The following SEC61B variants were observed in gnomAD, a reference collection of about 807,000 sequenced individuals.
The protein encoded by SEC61B is SEC61 translocon subunit beta, also known as protein transport protein Sec61 subunit beta.
A neutral mutation model predicts 12.6 loss-of-function variants in SEC61B; 7 were observed. The observed-to-expected ratio is 0.55, with a 90% CI of 0.32 to 1.04. The LOEUF is 1.04. Ranked by LOEUF, SEC61B falls within the 50% of genes least tolerant of loss-of-function variation. The pLI is 0.05. For synonymous variants in SEC61B, 54 were observed against 50.1 expected (o/e 1.08, Z -0.33); for missense variants, 107 against 130.1 (o/e 0.82, Z 0.86).
intron 2 of SEC61B, among the ~76,000 whole-genome samples, chr9:99,224,102 A>T (rs1217463226): frequency 6.6e-6 from 1 of 152,244 alleles, no homozygotes; most frequent in Non-Finnish European, 1.5e-5. Context: ...GGAGGAAAAA[A>T]TCTTGAACAC....
intron 3 of SEC61B, among the ~76,000 whole-genome samples, chr9:99,228,653 A>G (rs547404098): frequency 2.2e-4 from 34 of 152,360 alleles, no homozygotes; most frequent in Admixed American, 3.3e-4. Flanking sequence ...AGGTTCCAGA[A>G]CACCACTGCC....
rs530207906 is a variant in SEC61B, at chr9:99,228,035, A to G, written c.203+35A>G. The G allele has an allele frequency of 3.4e-4, 525 of 1,529,236 alleles. 7 individuals are homozygous for G. The South Asian group carries it at 5.7e-3, about 17-fold the overall frequency. The allele number at this position is 1,529,236 out of a possible 1,614,324, so 94.7% of individuals were successfully genotyped here. On this transcript the variant is annotated intron_variant, in intron 3 of 3. Coordinates refer to ENST00000223641, the MANE Select transcript of SEC61B (RefSeq NM_006808.3). ...AGGAACAGTCCTTGTGTTTCTGTCC[A>G]GTGGCAGCAGAGCAGCAGTGGCAGC...
intron 3 of SEC61B, among the ~76,000 whole-genome samples, chr9:99,228,222 G>C (rs1226210770): frequency 6.6e-6 from 1 of 152,214 alleles, no homozygotes; most frequent in Non-Finnish European, 1.5e-5. Flanking sequence ...GAAAGGAAAG[G>C]AAGTTCTTCA....
chr9:99,223,494 A>C (rs141266774), intron 2 of SEC61B, among the ~76,000 whole-genome samples: 359 of 152,060 alleles, frequency 2.4e-3, no homozygotes, highest in African/African-American at 8.2e-3. Context: ...CCAGAGTTCA[A>C]GCAATTCTCC....
chr9:99,227,265 CAAAAAAAAAAAAAAAAAA>C (rs59719935), intron 2 of SEC61B, among the ~76,000 whole-genome samples: 4 of 10,740 alleles, frequency 3.7e-4, no homozygotes, highest in Non-Finnish European at 5.9e-4. Flanking sequence ...AACTCCATCT[CAAAAAAAAAAAAAAAAAA>C]AAAAAAAACA....
chr9:99,222,693 G>A (rs1828844119), intron 2 of SEC61B, 50 bp downstream of exon 2: 3 of 1,266,024 alleles, frequency 2.4e-6, no homozygotes, highest in Non-Finnish European at 3.2e-6. Context: ...ATAGGACCCA[G>A]AACCTCGCTG....
Position 99,227,953 on chromosome 9 carries a change from C to T in SEC61B, c.156C>T (p.Thr52=), listed in dbSNP as rs753708059. The change falls in exon 3 of 4, where the codon ACC becomes ACT. Residue 52 remains threonine (T), a synonymous_variant. Coordinates refer to ENST00000223641, the MANE Select transcript of SEC61B (RefSeq NM_006808.3). ...RSAGRTTSAG[T]GGMWRFYTED... is the part of the protein sequence containing the mutation. ...CAGGCCGCACAACCTCGGCAGGCAC[C>T]GGGGGGATGTGGCGATTCTACACAG... The T allele has an allele frequency of 3.2e-5, 52 of 1,613,768 alleles. No individual in the cohort carries two copies. Among genetic ancestry groups the T allele is most frequent in the Non-Finnish European group, 3.9e-5 (46 of 1,179,954 alleles).
intron 2 of SEC61B, among the ~76,000 whole-genome samples, chr9:99,225,583 T>C (rs1398898981): frequency 6.6e-6 from 1 of 152,160 alleles, no homozygotes; most frequent in Non-Finnish European, 1.5e-5. Context: ...GAGAGACAGT[T>C]ACACAGTGGC....
chr9:99,230,050 A>G (rs1828941504), intron 3 of SEC61B, among the ~76,000 whole-genome samples: 1 of 152,202 alleles, frequency 6.6e-6, no homozygotes. Context: ...AATTAGATTA[A>G]TGTCTCCAAG....
chr9:99,228,062 C>A, intron 3 of SEC61B, 62 bp downstream of exon 3: 1 of 1,229,822 alleles, frequency 8.1e-7, no homozygotes, highest in Non-Finnish European at 1.2e-6. Context: ...AGTGGCAGCA[C>A]TCTGTCTCTG....
intron 2 of SEC61B, 132 bp downstream of exon 2, chr9:99,222,775 G>A (rs1828845832): frequency 1.5e-6 from 1 of 671,396 alleles, no homozygotes; most frequent in East Asian, 2.9e-5. Flanking sequence ...GTGGCCGTGG[G>A]AGTAGTTAAA....
intron 1 of SEC61B, 66 bp downstream of exon 1, chr9:99,222,432 GC>G: frequency 6.2e-7 from 1 of 1,612,392 alleles, no homozygotes; most frequent in South Asian, 1.1e-5. Context: ...TTTGCGCCGT[GC>G]TTTTCCTCTG....
chr9:99,230,552 T>G lies in SEC61B; in HGVS notation c.*128T>G. On this transcript the variant is annotated 3_prime_UTR_variant, in exon 4 of 4. Transcript: ENST00000223641. ...AGCTTGCTGTTTTACAGGGGATTTA[T>G]CAATAATTGATTTTGAGGAATCAGT... The G allele has an allele frequency of 9.1e-6, 6 of 655,878 alleles. No homozygotes were observed. Among genetic ancestry groups the G allele is most frequent in the South Asian group, 1.8e-5 (1 of 56,424 alleles). The allele number at this position is 655,878 out of a possible 1,614,324, so 40.6% of individuals were successfully genotyped here. A position where few individuals can be genotyped will look rare whatever the true frequency, so the allele number is the denominator to read the frequency against.
intron 2 of SEC61B, among the ~76,000 whole-genome samples, chr9:99,227,633 C>T (rs796229742): frequency 6.6e-6 from 1 of 152,162 alleles, no homozygotes; most frequent in African/African-American, 2.4e-5. Flanking sequence ...TTTTGCTTAA[C>T]CTTTTCTGAG....
In SEC61B at chr9:99,227,663, A is replaced by G. The variant is rs78924437; in HGVS notation, c.102-236A>G. Among the ~76,000 whole-genome samples the G allele has an allele frequency of 0.062, 9,366 of 152,260 alleles. 335 individuals are homozygous for G. Among genetic ancestry groups the G allele is most frequent in the Non-Finnish European group, 0.078 (5,333 of 68,000 alleles). ...TCTGAGGCCAATTTGCCTCATTTAT[A>G]AAATGGAAAAATCGTGACTGCTTTT... On this transcript the variant is annotated intron_variant, in intron 2 of 3. Coordinates refer to ENST00000223641, the MANE Select transcript of SEC61B (RefSeq NM_006808.3).
chr9:99,224,910 T>TA (rs1828877583), intron 2 of SEC61B, among the ~76,000 whole-genome samples: 1 of 152,240 alleles, frequency 6.6e-6, no homozygotes, highest in Non-Finnish European at 1.5e-5. Context: ...AGGTGATAGA[T>TA]ACTACCTTGG....
Position 99,222,361 on chromosome 9 carries a change from A to G in SEC61B, c.-3A>G, listed in dbSNP as rs1333611008. ...TCAGCGCCTTGCCACCCTCATCTCC[A>G]ATATGGTATGGCGGCCCTTCCATGA... is the stretch of plus-strand genomic sequence containing the variant. On this transcript the variant is annotated 5_prime_UTR_variant, in exon 1 of 4. Coordinates refer to ENST00000223641, the MANE Select transcript of SEC61B (RefSeq NM_006808.3). 1 of 1,614,074 alleles carries G rather than the reference A, an allele frequency of 6.2e-7. No homozygotes were observed. Among genetic ancestry groups the G allele is most frequent in the Non-Finnish European group, 8.5e-7 (1 of 1,179,986 alleles).
intron 2 of SEC61B, among the ~76,000 whole-genome samples, chr9:99,223,413 G>T (rs1394700181): frequency 6.7e-6 from 1 of 148,816 alleles, no homozygotes; most frequent in East Asian, 1.9e-4. Flanking sequence ...TTTTTTTTTG[G>T]GATGGAATCT....
chr9:99,226,263 A>G (rs1828893681), intron 2 of SEC61B, among the ~76,000 whole-genome samples: 1 of 151,948 alleles, frequency 6.6e-6, no homozygotes, highest in Admixed American at 6.6e-5. Flanking sequence ...CCAGGACTGC[A>G]CTCTCCCACT....
Sources: gnomAD v4.1 joint callset for allele counts (sites outside exome capture counted in the v4.1 genomes callset) on GRCh38, gnomAD v4.1.1 for gene constraint, MANE v1.5 for transcripts, NCBI Gene and HGNC (gene_info 2026-07-23, HGNC 2026-07-21) for gene names.